MAD1L1: variants seen among roughly 807,000 people sequenced by gnomAD.
MAD1L1 encodes mitotic arrest deficient 1 like 1.
A neutral mutation model predicts 96.9 loss-of-function variants in MAD1L1; 95 were observed. The observed-to-expected ratio is 0.98, with a 90% CI of 0.83 to 1.16. MAD1L1 has a LOEUF of 1.16. Ranked by LOEUF, MAD1L1 falls within the 50% of genes most tolerant of loss-of-function variation. MAD1L1 has a pLI of 0.00. For synonymous variants in MAD1L1, 473 were observed against 396.6 expected (o/e 1.19, Z -2.29); for missense variants, 1,007 against 954.4 (o/e 1.06, Z -0.73).
intron 18 of MAD1L1, among the ~76,000 whole-genome samples, chr7:1,893,646 C>T (rs998383286): frequency 2.0e-5 from 3 of 152,118 alleles, no homozygotes; most frequent in African/African-American, 4.8e-5. Flanking sequence ...CTCCTGGGCA[C>T]ACCTAGTGAT....
At chr7:1,845,085 C>T (rs1024667099) in intron 18 of MAD1L1, among the ~76,000 whole-genome samples, 1 of 152,228 alleles carries the variant, frequency 6.6e-6, no homozygotes, top group African/African-American at 2.4e-5. Context: ...GCCCTGACTG[C>T]AGCGGGGAGA....
intron 18 of MAD1L1, among the ~76,000 whole-genome samples, chr7:1,821,118 A>C (rs1457042552): frequency 1.3e-5 from 2 of 151,200 alleles, no homozygotes; most frequent in Admixed American, 1.3e-4. Context: ...TGAAATGACC[A>C]ATATCAGAAA....
chr7:2,023,633 C>T (rs962274315), intron 12 of MAD1L1, among the ~76,000 whole-genome samples: 1 of 152,098 alleles, frequency 6.6e-6, no homozygotes. Flanking sequence ...AAAAGAAGAA[C>T]AATGTAAGCC....
chr7:1,879,970 T>C (rs988830456), intron 18 of MAD1L1, among the ~76,000 whole-genome samples: 6 of 152,118 alleles, frequency 3.9e-5, no homozygotes, highest in Non-Finnish European at 7.4e-5. Flanking sequence ...GACCTGGTGA[T>C]CCGCCCACCT....
chr7:2,010,445 G>A (rs981052140), intron 13 of MAD1L1, among the ~76,000 whole-genome samples: 2 of 152,242 alleles, frequency 1.3e-5, no homozygotes, highest in East Asian at 1.9e-4. Flanking sequence ...TAAATAAATC[G>A]GAAACACAAA....
chr7:2,065,238 C>CT (rs1234082178), intron 12 of MAD1L1, among the ~76,000 whole-genome samples: 1 of 152,220 alleles, frequency 6.6e-6, no homozygotes, highest in Non-Finnish European at 1.5e-5. Flanking sequence ...CTCCATCTGC[C>CT]TTCAGCTGTC....
chr7:1,942,877 A>G (rs551017252), intron 16 of MAD1L1, among the ~76,000 whole-genome samples: 20 of 152,298 alleles, frequency 1.3e-4, no homozygotes, highest in African/African-American at 4.6e-4. Context: ...CCTGATTTCA[A>G]AACTTACTAC....
chr7:2,007,458 G>T (rs1226408121), intron 13 of MAD1L1, among the ~76,000 whole-genome samples: 3 of 152,158 alleles, frequency 2.0e-5, no homozygotes, highest in African/African-American at 2.4e-5. Context: ...GAGGCGGGTG[G>T]ATCACCTGAA....
intron 18 of MAD1L1, among the ~76,000 whole-genome samples, chr7:1,878,915 A>C (rs1302863568): frequency 6.6e-6 from 1 of 152,214 alleles, no homozygotes; most frequent in Non-Finnish European, 1.5e-5. Flanking sequence ...AGAACTAATA[A>C]GTAAATTCAG....
At chr7:1,871,104 ACCGT>A (rs1785060869) in intron 18 of MAD1L1, among the ~76,000 whole-genome samples, 2 of 139,190 alleles carry the variant, frequency 1.4e-5, no homozygotes, top group Non-Finnish European at 3.1e-5. Context: ...CGCTGAACCC[ACCGT>A]AACACCTGCC....
At chr7:2,129,262 A>AG (rs1018652387) in intron 11 of MAD1L1, among the ~76,000 whole-genome samples, 9 of 152,326 alleles carry the variant, frequency 5.9e-5, no homozygotes, top group African/African-American at 2.2e-4. Flanking sequence ...GGGGGCAGGG[A>AG]GGGAGTGAAA....
intron 5 of MAD1L1, among the ~76,000 whole-genome samples, chr7:2,221,411 G>A (rs1229841526): frequency 2.0e-5 from 3 of 152,184 alleles, no homozygotes; most frequent in Non-Finnish European, 4.4e-5. Flanking sequence ...TAGGGGAACA[G>A]CCTGAACACG....
At chr7:2,130,671 C>G (rs1213346836) in intron 11 of MAD1L1, among the ~76,000 whole-genome samples, 1 of 152,224 alleles carries the variant, frequency 6.6e-6, no homozygotes, top group African/African-American at 2.4e-5. Context: ...AAGCTGGGAG[C>G]GTGTCCGCGA....
At chr7:2,001,121 T>C (rs1781772082) in intron 14 of MAD1L1, among the ~76,000 whole-genome samples, 1 of 152,232 alleles carries the variant, frequency 6.6e-6, no homozygotes, top group South Asian at 2.1e-4. Context: ...CCTGAGGCCC[T>C]GAGAGCCAGG....
chr7:1,824,201 C>T (rs1273383952), intron 18 of MAD1L1, among the ~76,000 whole-genome samples: 2 of 152,188 alleles, frequency 1.3e-5, no homozygotes, highest in Admixed American at 6.5e-5. Context: ...TGAGCACTGC[C>T]GGCCCCAACG....
chr7:2,177,314 C>T (rs1259839802), intron 10 of MAD1L1, among the ~76,000 whole-genome samples: 1 of 152,326 alleles, frequency 6.6e-6, no homozygotes, highest in Middle Eastern at 3.4e-3. Context: ...GCTATGCATT[C>T]ATGTACAGCA....
intron 10 of MAD1L1, among the ~76,000 whole-genome samples, chr7:2,186,331 G>A (rs1001522907): frequency 6.6e-6 from 1 of 152,138 alleles, no homozygotes; most frequent in Non-Finnish European, 1.5e-5. Context: ...TAAGGAAATA[G>A]TTAAAATATG....
intron 11 of MAD1L1, among the ~76,000 whole-genome samples, chr7:2,104,875 C>T (rs1033420844): frequency 3.9e-5 from 6 of 152,214 alleles, no homozygotes; most frequent in Non-Finnish European, 7.3e-5. Flanking sequence ...CCTCTCCTTC[C>T]AACGTGCAAT....
In MAD1L1 at chr7:2,169,106, G is replaced by A. The variant is rs79089243; in HGVS notation, c.987-19868C>T. 9.8e-5 allele frequency among the ~76,000 whole-genome samples: 15 copies of A among 152,342 alleles called. No homozygotes were observed. The East Asian group carries it at 1.7e-3, about 18-fold the overall frequency. On this transcript the variant is annotated intron_variant, in intron 10 of 18. Coordinates refer to ENST00000265854, the MANE Select transcript of MAD1L1 (RefSeq NM_001013836.2). ...ACCTGAATATTCACAGGAGGCAAAC[G>A]ATCCGTGACAGGACAAGCGTGGGAT...
Sources: gnomAD v4.1 joint callset for allele counts (sites outside exome capture counted in the v4.1 genomes callset) on GRCh38, gnomAD v4.1.1 for gene constraint, MANE v1.5 for transcripts, NCBI Gene and HGNC (gene_info 2026-07-23, HGNC 2026-07-21) for gene names.